MAN2C1: variants seen among roughly 807,000 people sequenced by gnomAD.
MAN2C1 encodes the protein mannosidase alpha class 2C member 1.
A neutral mutation model predicts 126.9 loss-of-function variants in MAN2C1; 111 were observed. The ratio of observed to expected loss-of-function variants is 0.87; its 90% CI spans 0.75 to 1.02. The LOEUF (loss-of-function observed/expected upper bound fraction) is 1.02. MAN2C1 is among the 50% of genes least tolerant of loss of function. The pLI, the probability that MAN2C1 is intolerant of heterozygous loss-of-function variation, is 0.00. For missense variants in MAN2C1, 1,363 were observed against 1,364.4 expected, an observed-to-expected ratio of 1.00 and a Z score of 0.02; for synonymous variants, 567 against 561.5, an observed-to-expected ratio of 1.01 and a Z score of -0.14.
At chr15:75,363,346 A>T in intron 6 of MAN2C1, 1 of 456,000 alleles carries the variant, frequency 2.2e-6, no homozygotes, top group Non-Finnish European at 4.4e-6. Context: ...TTGTCCAGGA[A>T]GCCTCTCTGG....
At chr15:75,359,245 C>T (rs1486140491) in intron 17 of MAN2C1, 83 bp downstream of exon 17, 1 of 1,561,956 alleles carries the variant, frequency 6.4e-7, no homozygotes, top group Non-Finnish European at 8.8e-7. Flanking sequence ...TCACCACTTG[C>T]TCCAGACAGG....
In MAN2C1 at chr15:75,359,743, C is replaced by T. The variant is rs756427418; in HGVS notation, c.1825G>A (p.Ala609Thr). 3.7e-5 allele frequency: 60 copies of T among 1,613,846 alleles called. No individual in the cohort carries two copies. Among genetic ancestry groups the T allele is most frequent in the African/African-American group, 1.7e-4 (13 of 74,954 alleles). The change falls in exon 16 of 26, where the codon GCT becomes ACT. Residue 609 changes from alanine (A) to threonine (T), a missense_variant. This residue lies in a region of MAN2C1 where 668 missense variants were observed against 650.1 expected (regional missense o/e 1.03). Transcript: ENST00000267978. ...IRSHGNTLLSAAAAALCAGEP... is the reference protein window; with the variant it reads ...IRSHGNTLLSTAAAALCAGEP... ...CCAGCACACAGGGCTGCGGCTGCAG[C>T]GCTGAGCAGTGTATTGCCATGGGAA...
Position 75,356,062 on chromosome 15 carries a change from T to C in MAN2C1, c.2997-30A>G. ...AGAACAGGAGGGGCCATGAAGGCTC[T>C]GCGAGGGCGAGACTCGACCCCCGCC... is the stretch of plus-strand genomic sequence containing the variant. On this transcript the variant is annotated intron_variant, in intron 25 of 25. Transcript: ENST00000267978. This position sits in a 1 kb window ranked among gnomAD's most constrained non-coding sequence, Gnocchi z 5.8. 6.2e-7 allele frequency: 1 copy of C among 1,613,624 alleles called. No homozygotes were observed. The highest frequency in any genetic ancestry group is 8.5e-7 in the Non-Finnish European group (1 of 1,179,790).
chr15:75,361,603 C>T lies in MAN2C1; in HGVS notation c.1218+1G>A. On this transcript the variant is annotated splice_donor_variant, in intron 10 of 25. Transcript: ENST00000267978. LOFTEE classifies it high-confidence loss of function. The surrounding 1 kb of genome is among the most constrained non-coding windows in gnomAD (Gnocchi z 5.0). ...CCCTGACCCCCCGGGGGCCTGCTTACTGGGAAGGAGTTCACCAAATTCCAG... is the reference window on the plus strand; with the variant it reads ...CCCTGACCCCCCGGGGGCCTGCTTATTGGGAAGGAGTTCACCAAATTCCAG... 6.2e-7 allele frequency: 1 copy of T among 1,612,472 alleles called. No individual in the cohort carries two copies. Among genetic ancestry groups the T allele is most frequent in the Non-Finnish European group, 8.5e-7 (1 of 1,178,660 alleles).
rs1397732406 is a variant in MAN2C1 at position 75,362,619 on chromosome 15, T to C, written c.897+23A>G. The C allele has an allele frequency of 6.2e-7, 1 of 1,611,116 alleles. No homozygotes were observed. The highest frequency in any genetic ancestry group is 8.5e-7 in the Non-Finnish European group (1 of 1,177,628). On this transcript the variant is annotated intron_variant, in intron 7 of 25. Coordinates refer to ENST00000267978, the MANE Select transcript of MAN2C1 (RefSeq NM_006715.4). This position sits in a 1 kb window ranked among gnomAD's most constrained non-coding sequence, Gnocchi z 4.5. ...CAGGGAGGGCCACGTGCTTCCCTCC[T>C]CCCTCACAGCTGTCCCTCTGACCTG...
rs765721749 is a variant in MAN2C1 at position 75,356,792 on chromosome 15, C to G, written c.2657+1G>C. 1 of 1,613,932 alleles carries G rather than the reference C, an allele frequency of 6.2e-7. No homozygotes were observed. Among genetic ancestry groups the G allele is most frequent in the Non-Finnish European group, 8.5e-7 (1 of 1,180,032 alleles). On this transcript the variant is annotated splice_donor_variant, in intron 22 of 25. Coordinates refer to ENST00000267978, the MANE Select transcript of MAN2C1 (RefSeq NM_006715.4). LOFTEE classifies it high-confidence loss of function. The surrounding 1 kb of genome is among the most constrained non-coding windows in gnomAD (Gnocchi z 5.8). ...CCAGGCCTGGTGGGTACCCCACTTA[C>G]AGCGAGAGGCTGAGGATGCTGCCTC...
At position 75,359,150 on chromosome 15, in the gene MAN2C1, C is replaced by T; in HGVS notation, c.2050G>A (p.Asp684Asn). The change falls in exon 18 of 26, where the codon GAT becomes AAT. Residue 684 changes from aspartate (D) to asparagine (N), a missense_variant. Physicochemically the swap from Asp to Asn is conservative, Grantham distance 23. Around this residue, in one of 3 missense-constraint regions of MAN2C1, gnomAD observed 668 missense variants for 650.1 expected, o/e 1.03. Transcript: ENST00000267978. ...CCATTGTCCAGAGTCACGGAGCCAT[C>T]AGTCTTTGTGGGAGGAGGCCTTGAG... ...QQPVFVVQETDGSVTLDNGII... is the reference protein window; with the variant it reads ...QQPVFVVQETNGSVTLDNGII... 6.2e-7 allele frequency: 1 copy of T among 1,613,940 alleles called. No homozygotes were observed. Among genetic ancestry groups the T allele is most frequent in the South Asian group, 1.1e-5 (1 of 91,084 alleles).
intron 5 of MAN2C1, 109 bp from the exon 6 acceptor site, chr15:75,364,297 T>C (rs2072533199): frequency 7.7e-7 from 1 of 1,304,698 alleles, no homozygotes; most frequent in Non-Finnish European, 1.0e-6. Context: ...CAACCCTTTT[T>C]CCCTGCTGGT....
At chr15:75,359,183 C>T in intron 17 of MAN2C1, 30 bp from the exon 18 acceptor site, 1 of 1,613,008 alleles carries the variant, frequency 6.2e-7, no homozygotes, top group South Asian at 1.1e-5. Context: ...GAGGCTGAGT[C>T]TGTAGGGGCT....
intron 21 of MAN2C1, 116 bp downstream of exon 21, chr15:75,358,085 C>T (rs2072374170): frequency 1.6e-6 from 2 of 1,287,268 alleles, no homozygotes; most frequent in Non-Finnish European, 2.2e-6. Context: ...ATGCCTGGCA[C>T]ACACGTTAGG....
rs1213920190 is a variant in MAN2C1 at position 75,364,656 on chromosome 15, G to A, written c.432C>T (p.Leu144=). 1 of 1,610,568 alleles carries A rather than the reference G, an allele frequency of 6.2e-7. No homozygotes were observed. The highest frequency in any genetic ancestry group is 1.3e-5 in the African/African-American group (1 of 74,860). The part of the protein sequence containing the change: ...LGERDPRSLT[L]YVEVACNGLL... ...GCCCATTGCAGGCTACTTCCACATA[G>A]AGAGTGAGGCTACAAAGATGGGGAG... Residue 144 remains leucine, a synonymous_variant, in exon 5 of 26, where the codon CTC becomes CTT. Transcript: ENST00000267978.
intron 3 of MAN2C1, 73 bp downstream of exon 3, chr15:75,367,438 C>G: frequency 6.4e-7 from 1 of 1,565,638 alleles, no homozygotes; most frequent in Middle Eastern, 2.0e-4. Context: ...TCTCCAGAGT[C>G]CACAGAAGAA....
chr15:75,367,061 A>G (rs142413301), intron 3 of MAN2C1, among the ~76,000 whole-genome samples: 2 of 152,304 alleles, frequency 1.3e-5, no homozygotes, highest in African/African-American at 2.4e-5. Context: ...CAGGAAGAAC[A>G]GTCTTAACCC....
intron 15 of MAN2C1, 23 bp downstream of exon 15, chr15:75,359,880 G>C (rs779789439): frequency 6.2e-7 from 1 of 1,611,630 alleles, no homozygotes; most frequent in Non-Finnish European, 8.5e-7. Context: ...GGAGAGAGCA[G>C]GCAGGACTAT....
chr15:75,355,958 G>A lies in MAN2C1; in HGVS notation c.3071C>T (p.Ser1024Phe), dbSNP rs1128978. ...CAACAGGGACAGCACTTGGAAGGGA[G>A]AAAAGGTGAGCTTCAGGCGGTTGTC... ...LRDNRLKLTF[S>F]PFQVLSLLLV... The change falls in exon 26 of 26, where the codon TCT becomes TTT. Residue 1024 changes from serine (S) to phenylalanine (F), a missense_variant. By Grantham distance (155) the Ser-to-Phe change is radical. Transcript: ENST00000267978. 1.9e-6 allele frequency: 3 copies of A among 1,614,120 alleles called. No individual in the cohort carries two copies. Among genetic ancestry groups the A allele is most frequent in the African/African-American group, 2.7e-5 (2 of 74,948 alleles).
chr15:75,361,620 A>G lies in MAN2C1; in HGVS notation c.1202T>C (p.Leu401Ser). 6.2e-7 allele frequency: 1 copy of G among 1,613,842 alleles called. No homozygotes were observed. The highest frequency in any genetic ancestry group is 8.5e-7 in the Non-Finnish European group (1 of 1,179,898). Residue 401 changes from leucine (L) to serine (S), a missense_variant, in exon 10 of 26, where the codon TTG (leucine) becomes TCG (serine). Physicochemically the swap from Leu to Ser is moderately radical, Grantham distance 145. Coordinates refer to ENST00000267978, the MANE Select transcript of MAN2C1 (RefSeq NM_006715.4). This position sits in a 1 kb window ranked among gnomAD's most constrained non-coding sequence, Gnocchi z 5.0. ...RFLTQKLSWN[L>S]VNSFPHHTFF... ...CCTGCTTACTGGGAAGGAGTTCACC[A>G]AATTCCAGCTCAATTTCTGGGTGAG...
chr15:75,356,928 T>G lies in MAN2C1; in HGVS notation c.2548-26A>C, dbSNP rs1345542241. The G allele has an allele frequency of 6.3e-7, 1 of 1,593,246 alleles. No individual in the cohort carries two copies. Among genetic ancestry groups the G allele is most frequent in the Non-Finnish European group, 8.6e-7 (1 of 1,161,510 alleles). ...CTGGAGGGCAGATCCAAGACCCACT[T>G]GGTGGCCCTGTGCCCCTCTTTGTGC... is the stretch of plus-strand genomic sequence containing the variant. On this transcript the variant is annotated intron_variant, in intron 21 of 25. Transcript: ENST00000267978. This position sits in a 1 kb window ranked among gnomAD's most constrained non-coding sequence, Gnocchi z 5.8.
chr15:75,358,361 G>A lies in MAN2C1; in HGVS notation c.2404-17C>T. ...CCAGTGTACCTGGGAGTGGGAAGGA[G>A]GGTGGGAGTCAGGGAAGGAAGAGAC... On this transcript the variant is annotated splice_polypyrimidine_tract_variant and intron_variant, in intron 20 of 25. Coordinates refer to ENST00000267978, the MANE Select transcript of MAN2C1 (RefSeq NM_006715.4). 6.2e-7 allele frequency: 1 copy of A among 1,614,038 alleles called. No homozygotes were observed. The highest frequency in any genetic ancestry group is 8.5e-7 in the Non-Finnish European group (1 of 1,180,014).
chr15:75,361,761 C>G lies in MAN2C1; in HGVS notation c.1102-41G>C. On this transcript the variant is annotated intron_variant, in intron 9 of 25. Transcript: ENST00000267978. This position sits in a 1 kb window ranked among gnomAD's most constrained non-coding sequence, Gnocchi z 5.0. ...ATCCTGGAGTGCAGGAACCAGAGCT[C>G]CAGGCGGACTCACCCCAGCCTCAGC... The G allele has an allele frequency of 6.3e-7, 1 of 1,595,118 alleles. No individual in the cohort carries two copies. Among genetic ancestry groups the G allele is most frequent in the Non-Finnish European group, 8.6e-7 (1 of 1,163,028 alleles).
Sources: allele counts gnomAD v4.1 joint callset (sites outside exome capture counted in the v4.1 genomes callset), GRCh38; gene constraint gnomAD v4.1.1; regional missense constraint gnomAD v4.1.1; non-coding constraint Gnocchi (gnomAD v3.1); transcripts MANE v1.5; gene names NCBI Gene and HGNC (gene_info 2026-07-23, HGNC 2026-07-21).